The following ZC2HC1A variants were observed in gnomAD, a reference collection of about 807,000 sequenced individuals.
ZC2HC1A encodes the protein zinc finger C2HC-type containing 1A, also known as zinc finger C2HC domain-containing protein 1A.
In ZC2HC1A, 28 loss-of-function variants were observed where a neutral mutation model predicts 40.7. The observed-to-expected ratio is 0.69, with a 90% CI of 0.51 to 0.94. The LOEUF is 0.94. Ranked by LOEUF, ZC2HC1A falls within the 40% of genes least tolerant of loss-of-function variation. ZC2HC1A has a pLI of 0.00. For synonymous variants in ZC2HC1A, 129 were observed against 129.2 expected, an observed-to-expected ratio of 1.00 and a Z score of 0.01; for missense variants, 389 against 386.3, an observed-to-expected ratio of 1.01 and a Z score of -0.06.
chr8:78,708,664 A>G (rs1203257406), intron 7 of ZC2HC1A, among the ~76,000 whole-genome samples: 1 of 147,714 alleles, frequency 6.8e-6, no homozygotes, highest in Non-Finnish European at 1.5e-5. Flanking sequence ...CTTCTAAAAG[A>G]TGATTATCTT....
At chr8:78,692,998 T>G (rs2130519765) in intron 5 of ZC2HC1A, among the ~76,000 whole-genome samples, 1 of 152,158 alleles carries the variant, frequency 6.6e-6, no homozygotes, top group East Asian at 1.9e-4. Flanking sequence ...TTTTTGTCCT[T>G]GTGATAGTTT....
intron 7 of ZC2HC1A, among the ~76,000 whole-genome samples, chr8:78,698,965 A>G (rs1276740839): frequency 1.3e-5 from 2 of 152,190 alleles, no homozygotes; most frequent in Admixed American, 6.5e-5. Flanking sequence ...ATAAATTGGG[A>G]TATCTTTGAC....
At chr8:78,676,706 A>C (rs1218505984) in intron 2 of ZC2HC1A, among the ~76,000 whole-genome samples, 1 of 152,042 alleles carries the variant, frequency 6.6e-6, no homozygotes, top group East Asian at 1.9e-4. Context: ...GGCACCTTTT[A>C]AATAATGATG....
chr8:78,697,575 G>T (rs1008029315), intron 6 of ZC2HC1A, 69 bp downstream of exon 6: 2 of 1,162,352 alleles, frequency 1.7e-6, no homozygotes, highest in African/African-American at 1.6e-5. Context: ...AATAAAGATA[G>T]TGGTCTATTC....
chr8:78,666,655 C>T (rs576167375), intron 1 of ZC2HC1A, among the ~76,000 whole-genome samples: 1 of 152,258 alleles, frequency 6.6e-6, no homozygotes, highest in East Asian at 1.9e-4. Flanking sequence ...TTTTACATTT[C>T]GACAGCATCT....
At chr8:78,699,044 A>G (rs1239008809) in intron 7 of ZC2HC1A, among the ~76,000 whole-genome samples, 1 of 152,132 alleles carries the variant, frequency 6.6e-6, no homozygotes, top group Non-Finnish European at 1.5e-5. Context: ...CAAAATGTCT[A>G]GCTTTGTTTG....
chr8:78,673,956 G>T (rs967359516), intron 1 of ZC2HC1A, among the ~76,000 whole-genome samples: 1 of 151,628 alleles, frequency 6.6e-6, no homozygotes, highest in Non-Finnish European at 1.5e-5. Flanking sequence ...AATAATTTTC[G>T]TTTTTTAAAA....
intron 7 of ZC2HC1A, among the ~76,000 whole-genome samples, chr8:78,705,604 C>A (rs116863333): frequency 1.3e-5 from 2 of 151,964 alleles, no homozygotes; most frequent in African/African-American, 2.4e-5. Flanking sequence ...TTTTATGGGA[C>A]CACTGTGGTG....
At chr8:78,695,871 A>G (rs778776711) in intron 5 of ZC2HC1A, among the ~76,000 whole-genome samples, 2 of 152,194 alleles carry the variant, frequency 1.3e-5, no homozygotes, top group Non-Finnish European at 2.9e-5. Flanking sequence ...GTTTATCAAG[A>G]TTTAACTTTT....
chr8:78,716,767 A>G (rs1263194689), intron 8 of ZC2HC1A, among the ~76,000 whole-genome samples: 1 of 152,088 alleles, frequency 6.6e-6, no homozygotes, highest in African/African-American at 2.4e-5. Context: ...GTAACCCTCA[A>G]CGTTAGAGGA....
At chr8:78,716,416 C>T (rs993437225) in intron 8 of ZC2HC1A, among the ~76,000 whole-genome samples, 1 of 152,092 alleles carries the variant, frequency 6.6e-6, no homozygotes, top group Non-Finnish European at 1.5e-5. Flanking sequence ...AGCCACCGCA[C>T]CCGGCCTAGT....
Position 78,687,577 on chromosome 8 carries a change from T to G in ZC2HC1A, c.352+969T>G, listed in dbSNP as rs1031425038. Among the ~76,000 whole-genome samples the G allele has an allele frequency of 1.2e-3, 168 of 142,500 alleles. 1 individual carries two copies. Among genetic ancestry groups the G allele is most frequent in the Non-Finnish European group, 2.0e-3 (134 of 65,808 alleles). 93.5% of individuals were successfully genotyped at this position (142,500 alleles called of 152,430 possible). On this transcript the variant is annotated intron_variant, in intron 4 of 8. Coordinates refer to ENST00000263849, the MANE Select transcript of ZC2HC1A (RefSeq NM_016010.3). ...ATATTTACATAATAAATTATATATA[T>G]TTACGTAATAAATTATATATATTTA...
At chr8:78,707,234 A>C (rs986300086) in intron 7 of ZC2HC1A, among the ~76,000 whole-genome samples, 1 of 152,166 alleles carries the variant, frequency 6.6e-6, no homozygotes, top group East Asian at 1.9e-4. Flanking sequence ...TTAAAAGCTG[A>C]TATTTTTCAG....
At chr8:78,674,174 T>C (rs1476656087) in intron 1 of ZC2HC1A, among the ~76,000 whole-genome samples, 1 of 152,172 alleles carries the variant, frequency 6.6e-6, no homozygotes, top group Non-Finnish European at 1.5e-5. Context: ...CTTGTGTTAA[T>C]ATTACTTAGT....
intron 2 of ZC2HC1A, among the ~76,000 whole-genome samples, chr8:78,677,263 C>T (rs1017991756): frequency 1.3e-5 from 2 of 151,884 alleles, no homozygotes; most frequent in African/African-American, 4.8e-5. Context: ...GAATGTTTAT[C>T]CAGTTGGCTT....
intron 1 of ZC2HC1A, among the ~76,000 whole-genome samples, chr8:78,670,503 C>G (rs1809413346): frequency 6.6e-6 from 1 of 152,100 alleles, no homozygotes; most frequent in African/African-American, 2.4e-5. Context: ...TAAGGGAGTT[C>G]TGCTCTAAGA....
intron 5 of ZC2HC1A, among the ~76,000 whole-genome samples, chr8:78,690,750 T>C (rs1206644277): frequency 6.6e-6 from 1 of 152,188 alleles, no homozygotes; most frequent in Non-Finnish European, 1.5e-5. Flanking sequence ...TATTTTCTGA[T>C]CATTTAGGTT....
chr8:78,681,774 C>T (rs1356495012), intron 3 of ZC2HC1A, among the ~76,000 whole-genome samples: 3 of 151,932 alleles, frequency 2.0e-5, no homozygotes, highest in Non-Finnish European at 2.9e-5. Flanking sequence ...AAGGACATTG[C>T]CCATTTTGTC....
intron 7 of ZC2HC1A, chr8:78,712,100 T>C (rs983019128): frequency 7.8e-7 from 1 of 1,283,352 alleles, no homozygotes; most frequent in Non-Finnish European, 1.0e-6. Context: ...TTATTACCTA[T>C]TTACAAGTAA....
Sources: allele counts gnomAD v4.1 joint callset (sites outside exome capture counted in the v4.1 genomes callset), GRCh38; gene constraint gnomAD v4.1.1; transcripts MANE v1.5; gene names NCBI Gene and HGNC (gene_info 2026-07-23, HGNC 2026-07-21).